Variants in GABBR2 observed in about 807,000 individuals in gnomAD.
GABBR2 encodes gamma-aminobutyric acid type B receptor subunit 2, also known as G-protein coupled receptor 51.
In GABBR2, 23 loss-of-function variants were observed where a neutral mutation model predicts 105.6. The observed-to-expected ratio is 0.22, with a 90% CI of 0.16 to 0.31. The LOEUF is 0.31. Among genes scored for constraint, GABBR2 ranks in the 10% least tolerant of loss-of-function variants. The pLI, the probability that GABBR2 is intolerant of heterozygous loss-of-function variation, is 1.00. For synonymous variants in GABBR2, 478 were observed against 499.7 expected (o/e 0.96, Z 0.58); for missense variants, 734 against 1,245.5 (o/e 0.59, Z 6.18).
At chr9:98,690,760 C>T (rs1304559967) in intron 1 of GABBR2, among the ~76,000 whole-genome samples, 2 of 152,200 alleles carry the variant, frequency 1.3e-5, no homozygotes, top group Non-Finnish European at 2.9e-5. Context: ...AGACCAGATA[C>T]CCTGCCACAC....
intron 11 of GABBR2, among the ~76,000 whole-genome samples, chr9:98,376,184 C>T (rs1398131798): frequency 6.6e-6 from 1 of 152,186 alleles, no homozygotes; most frequent in East Asian, 1.9e-4. Flanking sequence ...AATCTATGCC[C>T]AGAACAATTC....
At chr9:98,471,512 G>A (rs755291982) in intron 6 of GABBR2, among the ~76,000 whole-genome samples, 6 of 152,192 alleles carry the variant, frequency 3.9e-5, no homozygotes, top group Admixed American at 6.5e-5. Context: ...ATGCACTCTC[G>A]TGTACTGCTC....
intron 1 of GABBR2, among the ~76,000 whole-genome samples, chr9:98,689,129 A>G (rs1830654872): frequency 6.6e-6 from 1 of 152,182 alleles, no homozygotes; most frequent in Non-Finnish European, 1.5e-5. Context: ...TCTCATGTGT[A>G]AAATAGAGAT....
At position 98,378,699 on chromosome 9, in the gene GABBR2, A is replaced by C. The variant is rs141041482; in HGVS notation, c.1662+6941T>G. 1.4e-4 allele frequency among the ~76,000 whole-genome samples: 22 copies of C among 152,220 alleles called. 1 individual carries two copies. The highest frequency in any genetic ancestry group is 5.1e-4 in the African/African-American group (21 of 41,536). ...GCACACTGAGTAGCACTGTCTGTGC[A>C]TGCAGGAGCTGGGATGGGGGCCACC... On this transcript the variant is annotated intron_variant, in intron 11 of 18. Transcript: ENST00000259455.
At chr9:98,630,935 AC>A (rs1428100645) in intron 1 of GABBR2, among the ~76,000 whole-genome samples, 2 of 152,100 alleles carry the variant, frequency 1.3e-5, no homozygotes, top group Admixed American at 6.5e-5. Flanking sequence ...TATTACACTA[AC>A]CCCATTTCAA....
At chr9:98,370,751 C>A (rs1588126346) in intron 12 of GABBR2, among the ~76,000 whole-genome samples, 1 of 152,200 alleles carries the variant, frequency 6.6e-6, no homozygotes, top group Non-Finnish European at 1.5e-5. Context: ...AGCTCCAGTA[C>A]CACTGCAAGA....
At chr9:98,508,334 G>C (rs982384377) in intron 3 of GABBR2, among the ~76,000 whole-genome samples, 40 of 152,346 alleles carry the variant, frequency 2.6e-4, no homozygotes, top group Admixed American at 2.4e-3. Flanking sequence ...TTCCCAGCGT[G>C]AGCGATGCAG....
At chr9:98,466,956 T>C (rs1361362775) in intron 6 of GABBR2, among the ~76,000 whole-genome samples, 2 of 152,212 alleles carry the variant, frequency 1.3e-5, no homozygotes, top group Non-Finnish European at 2.9e-5. Context: ...TTGTACCTAA[T>C]GGTCCAAAAT....
At chr9:98,592,491 G>C (rs1225705660) in intron 1 of GABBR2, among the ~76,000 whole-genome samples, 1 of 152,172 alleles carries the variant, frequency 6.6e-6, no homozygotes, top group Admixed American at 6.5e-5. Flanking sequence ...TTTAACAGAG[G>C]AGGAAAGACA....
intron 3 of GABBR2, among the ~76,000 whole-genome samples, chr9:98,540,863 A>C (rs1336778512): frequency 1.3e-5 from 2 of 152,230 alleles, no homozygotes; most frequent in African/African-American, 4.8e-5. Context: ...AGTGAGGCTA[A>C]TGTTTCAAAT....
At chr9:98,534,246 A>C (rs1374601845) in intron 3 of GABBR2, among the ~76,000 whole-genome samples, 1 of 152,230 alleles carries the variant, frequency 6.6e-6, no homozygotes, top group African/African-American at 2.4e-5. Flanking sequence ...GGGGCCTGCC[A>C]CTTGAGAGAG....
At chr9:98,524,279 A>C (rs983682388) in intron 3 of GABBR2, among the ~76,000 whole-genome samples, 4 of 152,218 alleles carry the variant, frequency 2.6e-5, no homozygotes, top group African/African-American at 9.7e-5. Flanking sequence ...AAAACATGGA[A>C]AGCTTTCCAA....
chr9:98,349,910 T>G (rs150352053), intron 13 of GABBR2, among the ~76,000 whole-genome samples: 1 of 152,206 alleles, frequency 6.6e-6, no homozygotes, highest in Non-Finnish European at 1.5e-5. Flanking sequence ...ACTTCTTGTA[T>G]GGATTCAATT....
chr9:98,563,947 T>A (rs543018450), intron 2 of GABBR2, among the ~76,000 whole-genome samples: 1 of 152,368 alleles, frequency 6.6e-6, no homozygotes. Context: ...CTATAAGTAC[T>A]ATTCTTGAAA....
rs555808038 is a variant in GABBR2, at chr9:98,454,977, G to T, written c.1000-760C>A. On this transcript the variant is annotated intron_variant, in intron 6 of 18. Transcript: ENST00000259455. The surrounding 1 kb of genome is among the most constrained non-coding windows in gnomAD (Gnocchi z 4.6). The stretch of plus-strand genomic sequence containing the variant: ...TGGAAGCTGGAAGGGGTGCAGGTCT[G>T]AGTGGGCTGTGTCCGTGGCTTGCAG... 6.6e-6 allele frequency among the ~76,000 whole-genome samples: 1 copy of T among 152,312 alleles called. No homozygotes were observed. The highest frequency in any genetic ancestry group is 2.4e-5 in the African/African-American group (1 of 41,564).
chr9:98,675,269 A>T (rs4237193), intron 1 of GABBR2, among the ~76,000 whole-genome samples: 2 of 152,118 alleles, frequency 1.3e-5, no homozygotes, highest in Admixed American at 6.5e-5. Flanking sequence ...AGCAGGAGCC[A>T]CCATGGATGG....
intron 2 of GABBR2, among the ~76,000 whole-genome samples, chr9:98,569,508 A>G (rs1828797116): frequency 6.6e-6 from 1 of 152,228 alleles, no homozygotes; most frequent in Admixed American, 6.5e-5. Context: ...CTACTGGATT[A>G]CAGTTTATAA....
intron 7 of GABBR2, among the ~76,000 whole-genome samples, chr9:98,428,757 A>AT (rs1825744236): frequency 6.6e-6 from 1 of 152,190 alleles, no homozygotes. Flanking sequence ...TATAAGGAAA[A>AT]TGGGTTCCCT....
At chr9:98,534,083 C>A (rs968964571) in intron 3 of GABBR2, among the ~76,000 whole-genome samples, 1 of 152,212 alleles carries the variant, frequency 6.6e-6, no homozygotes, top group Non-Finnish European at 1.5e-5. Context: ...ACCCAAGGCC[C>A]TTTTGGTGGG....
Sources: allele counts gnomAD v4.1 joint callset (sites outside exome capture counted in the v4.1 genomes callset), GRCh38; gene constraint gnomAD v4.1.1; non-coding constraint Gnocchi (gnomAD v3.1); transcripts MANE v1.5; gene names NCBI Gene and HGNC (gene_info 2026-07-23, HGNC 2026-07-21).